RTTN: variants seen among roughly 807,000 people sequenced by gnomAD.
RTTN encodes the protein rotatin.
A neutral mutation model predicts 269.2 loss-of-function variants in RTTN; 182 were observed. The ratio of observed to expected loss-of-function variants is 0.68; its 90% CI spans 0.60 to 0.76. RTTN has a LOEUF of 0.76. Ranked by LOEUF, RTTN falls within the 30% of genes least tolerant of loss-of-function variation. RTTN has a pLI of 0.00. For synonymous variants in RTTN, 1,006 were observed against 963.5 expected, an observed-to-expected ratio of 1.04 and a Z score of -0.82; for missense variants, 2,545 against 2,608.6, an observed-to-expected ratio of 0.98 and a Z score of 0.53.
At chr18:70,094,585 T>C (rs2058945164) in intron 28 of RTTN, among the ~76,000 whole-genome samples, 1 of 152,208 alleles carries the variant, frequency 6.6e-6, no homozygotes, top group African/African-American at 2.4e-5. Context: ...TCCATGTAGT[T>C]GTGCGGTTTG....
rs535191279 is a variant in RTTN, at chr18:70,085,010, C to T, written c.4374+1603G>A. 2.6e-5 allele frequency among the ~76,000 whole-genome samples: 4 copies of T among 152,256 alleles called. No homozygotes were observed. The East Asian group carries it at 7.7e-4, about 29-fold the overall frequency. On this transcript the variant is annotated intron_variant, in intron 32 of 48. Coordinates refer to ENST00000640769, the MANE Select transcript of RTTN (RefSeq NM_173630.4). ...ATAATGTCCCAGGAACTTTAATATA[C>T]TCTGCCTTTATACTTATTTCAATAA...
chr18:70,197,282 C>T (rs925162052), intron 6 of RTTN, among the ~76,000 whole-genome samples: 2 of 152,110 alleles, frequency 1.3e-5, no homozygotes, highest in South Asian at 2.1e-4. Context: ...TAGCACTGTG[C>T]GTTAAATAAA....
rs1455156583 is a variant in RTTN, at chr18:70,005,276, A to G, written c.6526-9T>C. 1 of 1,608,058 alleles carries G rather than the reference A, an allele frequency of 6.2e-7. No individual in the cohort carries two copies. The highest frequency in any genetic ancestry group is 8.5e-7 in the Non-Finnish European group (1 of 1,175,734). ...TTCAAAGCTGTTTTTGCCTAGAACA[A>G]TCCATTAATTAGGTTTCTTGCCATG... On this transcript the variant is annotated splice_polypyrimidine_tract_variant and intron_variant, in intron 47 of 48. Transcript: ENST00000640769.
At position 70,197,722 on chromosome 18, in the gene RTTN, T is replaced by G. The variant is rs1236274147; in HGVS notation, c.595A>C (p.Asn199His). ...CAGGTGTTCCAGATTAAAGTGTGGTTACTACTTCTTAAAGAGCTACAAAAC... is the reference window on the plus strand; with the variant it reads ...CAGGTGTTCCAGATTAAAGTGTGGTGACTACTTCTTAAAGAGCTACAAAAC... ...SSNESSLRSS[N>H]HTLIWNTCEL... The change falls in exon 6 of 49, where the codon AAC becomes CAC. Residue 199 changes from asparagine (N) to histidine (H), a missense_variant. Asn to His is a moderately conservative substitution (Grantham distance 68). Transcript: ENST00000640769. The G allele has an allele frequency of 2.5e-6, 4 of 1,599,666 alleles. No homozygotes were observed. Among genetic ancestry groups the G allele is most frequent in the Non-Finnish European group, 2.6e-6 (3 of 1,166,894 alleles).
chr18:70,165,590 A>G (rs2060963828), intron 14 of RTTN, among the ~76,000 whole-genome samples: 2 of 152,032 alleles, frequency 1.3e-5, no homozygotes, highest in Non-Finnish European at 2.9e-5. Context: ...TCCTATGTAC[A>G]GTGTTCTTTT....
At position 70,019,416 on chromosome 18, in the gene RTTN, T is replaced by C. The variant is rs2056638026; in HGVS notation, c.6153+1199A>G. 3 of 152,338 alleles carry C rather than the reference T, an allele frequency of 2.0e-5. No homozygotes were observed. The South Asian group carries it at 6.2e-4, about 32-fold the overall frequency. 9.4% of individuals were successfully genotyped at this position (152,338 alleles called of 1,614,324 possible). A position where few individuals can be genotyped will look rare whatever the true frequency, so the allele number is the denominator to read the frequency against. ...CATTCTTATGGATGCTAATCACATA[T>C]ATCCAGTTCAAGAGAATGTCTCATT... On this transcript the variant is annotated intron_variant, in intron 45 of 48. Transcript: ENST00000640769.
chr18:70,150,064 A>G lies in RTTN; in HGVS notation c.2079T>C (p.Ile693=), dbSNP rs1163856891. The G allele has an allele frequency of 6.2e-7, 1 of 1,613,030 alleles. No homozygotes were observed. Among genetic ancestry groups the G allele is most frequent in the Non-Finnish European group, 8.5e-7 (1 of 1,179,284 alleles). The change falls in exon 16 of 49, where the codon ATT becomes ATC. Residue 693 remains isoleucine (I), a synonymous_variant. Coordinates refer to ENST00000640769, the MANE Select transcript of RTTN (RefSeq NM_173630.4). ...ATCGTCCCTGAAGCAGGTATAACAGAATGGCCTTGGCAGCAGTGTTCACCT... is the reference window on the plus strand; with the variant it reads ...ATCGTCCCTGAAGCAGGTATAACAGGATGGCCTTGGCAGCAGTGTTCACCT... The part of the protein sequence containing the change: ...ESEVNTAAKA[I]LLYLLQGRLM...
At position 70,120,344 on chromosome 18, in the gene RTTN, T is replaced by C. The variant is rs527942234; in HGVS notation, c.3528+1212A>G. ...TTTATAAATTACCCAGCTTCTGATATTATGTTAAAAACAACAGAAAACAGC... is the reference window on the plus strand; with the variant it reads ...TTTATAAATTACCCAGCTTCTGATACTATGTTAAAAACAACAGAAAACAGC... On this transcript the variant is annotated intron_variant, in intron 26 of 48. Coordinates refer to ENST00000640769, the MANE Select transcript of RTTN (RefSeq NM_173630.4). 2.6e-4 allele frequency among the ~76,000 whole-genome samples: 39 copies of C among 152,212 alleles called. No homozygotes were observed. In the South Asian group the frequency reaches 7.9e-3, roughly 31 times the overall value.
intron 27 of RTTN, among the ~76,000 whole-genome samples, chr18:70,112,944 G>C (rs928266304): frequency 6.6e-6 from 1 of 152,158 alleles, no homozygotes; most frequent in Admixed American, 6.5e-5. Flanking sequence ...AAATGCAAAA[G>C]AACGCAAATC....
chr18:70,022,371 G>A (rs540709616), intron 44 of RTTN, among the ~76,000 whole-genome samples: 55 of 152,166 alleles, frequency 3.6e-4, no homozygotes, highest in African/African-American at 1.3e-3. Flanking sequence ...TGTCAGCTGT[G>A]CTCTAGCTCT....
chr18:70,012,616 A>G (rs113966924), intron 46 of RTTN, among the ~76,000 whole-genome samples: 326 of 117,530 alleles, frequency 2.8e-3, no homozygotes, highest in African/African-American at 5.2e-3. Flanking sequence ...AGAGGGCAGC[A>G]TCTGCTCACT....
intron 28 of RTTN, among the ~76,000 whole-genome samples, chr18:70,099,766 A>G (rs2059107827): frequency 1.3e-5 from 2 of 152,216 alleles, no homozygotes. Flanking sequence ...TGTAAGGTGT[A>G]AGGAAGGGAT....
At chr18:70,088,204 T>A in intron 30 of RTTN, 57 bp from the exon 31 acceptor site, 1 of 1,465,762 alleles carries the variant, frequency 6.8e-7, no homozygotes, top group Non-Finnish European at 9.2e-7. Context: ...CTAACATGAA[T>A]TCTTAGTTTT....
intron 26 of RTTN, 70 bp from the exon 27 acceptor site, chr18:70,114,669 G>T (rs776731758): frequency 5.0e-5 from 72 of 1,435,426 alleles, no homozygotes; most frequent in Non-Finnish European, 6.4e-5. Context: ...AAAGGGTTTG[G>T]TTGCTAAGCA....
chr18:70,023,582 C>T (rs953650681), intron 44 of RTTN, among the ~76,000 whole-genome samples: 4 of 152,122 alleles, frequency 2.6e-5, no homozygotes, highest in East Asian at 1.9e-4. Flanking sequence ...AAGTTCACCC[C>T]GGACACCTTT....
chr18:70,030,880 C>A lies in RTTN; in HGVS notation c.5643G>T (p.Leu1881Phe). 2 of 1,610,674 alleles carry A rather than the reference C, an allele frequency of 1.2e-6. No homozygotes were observed. Among genetic ancestry groups the A allele is most frequent in the Non-Finnish European group, 1.7e-6 (2 of 1,178,270 alleles). Residue 1881 changes from leucine (L) to phenylalanine (F), a missense_variant, in exon 41 of 49, where the codon TTG (leucine) becomes TTT (phenylalanine). Physicochemically the swap from Leu to Phe is conservative, Grantham distance 22. Transcript: ENST00000640769. Reference protein sequence around the residue: ...AVSRRAQKHALKANLIDNCME... With the variant: ...AVSRRAQKHAFKANLIDNCME... Reference sequence around the variant, plus strand: ...CTGATGTGTCATGTGGCTCACCTTTCAAAGCATGTTTCTGTGCTCTTCTAC... The same window carrying A: ...CTGATGTGTCATGTGGCTCACCTTTAAAAGCATGTTTCTGTGCTCTTCTAC...
In RTTN at chr18:70,201,879, C is replaced by G. The variant is rs1226612094; in HGVS notation, c.487+15G>C. 9 of 1,530,854 alleles carry G rather than the reference C, an allele frequency of 5.9e-6. No individual in the cohort carries two copies. The highest frequency in any genetic ancestry group is 8.1e-6 in the Non-Finnish European group (9 of 1,115,384). 94.8% of individuals were successfully genotyped at this position (1,530,854 alleles called of 1,614,324 possible). A position where few individuals can be genotyped will look rare whatever the true frequency, so the allele number is the denominator to read the frequency against. ...TTCCCAAGTCAACAGGATTTACTTC[C>G]CGACATATACACACCCACTGGTCGT... On this transcript the variant is annotated intron_variant, in intron 4 of 48. Coordinates refer to ENST00000640769, the MANE Select transcript of RTTN (RefSeq NM_173630.4).
intron 10 of RTTN, among the ~76,000 whole-genome samples, chr18:70,184,911 G>A (rs56256210): frequency 0.087 from 13,178 of 151,006 alleles, 1,247 homozygotes; most frequent in African/African-American, 0.24. Flanking sequence ...AAAAAAACAA[G>A]AACAAAGTTG....
At chr18:70,033,234 A>T (rs1315804822) in intron 40 of RTTN, among the ~76,000 whole-genome samples, 1 of 152,234 alleles carries the variant, frequency 6.6e-6, no homozygotes, top group Non-Finnish European at 1.5e-5. Context: ...GCCTTCCCAG[A>T]AGCTGAGTAG....
Sources: gnomAD v4.1 joint callset for allele counts (sites outside exome capture counted in the v4.1 genomes callset) on GRCh38, gnomAD v4.1.1 for gene constraint, MANE v1.5 for transcripts, NCBI Gene and HGNC (gene_info 2026-07-23, HGNC 2026-07-21) for gene names.